Variants in COBL observed in about 807,000 individuals in gnomAD.
COBL encodes the protein cordon-bleu WH2 repeat protein, also known as protein cordon-bleu.
A neutral mutation model predicts 98.8 loss-of-function variants in COBL; 51 were observed. That is an observed-to-expected ratio of 0.52 (90% CI 0.41 to 0.65). The LOEUF (loss-of-function observed/expected upper bound fraction) is 0.65. Ranked by LOEUF, COBL falls within the 30% of genes least tolerant of loss-of-function variation. The probability of loss-of-function intolerance (pLI) is 0.00; values close to 1 mark genes in which losing one functional copy is unlikely to be tolerated. For synonymous variants in COBL, 634 were observed against 651.7 expected, an observed-to-expected ratio of 0.97 and a Z score of 0.41; for missense variants, 1,617 against 1,617.5, an observed-to-expected ratio of 1.00 and a Z score of 0.01.
At chr7:51,080,783 CA>C (rs1286352570) in intron 7 of COBL, among the ~76,000 whole-genome samples, 1 of 152,166 alleles carries the variant, frequency 6.6e-6, no homozygotes, top group Non-Finnish European at 1.5e-5. Context: ...CTCAGGAGCC[CA>C]GGGGTGAACA....
At chr7:51,122,994 A>AG (rs1170565277) in intron 6 of COBL, among the ~76,000 whole-genome samples, 1 of 152,186 alleles carries the variant, frequency 6.6e-6, no homozygotes, top group South Asian at 2.1e-4. Flanking sequence ...AAAAAAAAAA[A>AG]AAAATTGAAT....
At chr7:51,178,476 T>G (rs1563001182) in intron 5 of COBL, among the ~76,000 whole-genome samples, 1 of 152,216 alleles carries the variant, frequency 6.6e-6, no homozygotes. Context: ...AGGCAAAACT[T>G]GTTTTTCTCT....
At chr7:51,315,769 C>T (rs1292686675) in intron 1 of COBL, among the ~76,000 whole-genome samples, 1 of 151,938 alleles carries the variant, frequency 6.6e-6, no homozygotes, top group Non-Finnish European at 1.5e-5. Flanking sequence ...GGCTGCTCGT[C>T]CTGTTTGAGG....
intron 6 of COBL, among the ~76,000 whole-genome samples, chr7:51,112,658 C>T (rs1220151101): frequency 6.6e-6 from 1 of 152,114 alleles, no homozygotes; most frequent in Non-Finnish European, 1.5e-5. Flanking sequence ...TCCTTTGCAC[C>T]TTTGGGTCTC....
intron 5 of COBL, among the ~76,000 whole-genome samples, chr7:51,168,398 T>C (rs1562988828): frequency 2.7e-5 from 4 of 150,592 alleles, no homozygotes; most frequent in African/African-American, 9.8e-5. Flanking sequence ...ATCGCACCAC[T>C]GCACTCCAGC....
At chr7:51,041,113 A>G (rs1789142347) in intron 8 of COBL, among the ~76,000 whole-genome samples, 1 of 152,228 alleles carries the variant, frequency 6.6e-6, no homozygotes, top group African/African-American at 2.4e-5. Context: ...TGTAAACAAC[A>G]CAGGCCAACC....
chr7:51,182,014 C>T (rs916894468), intron 5 of COBL, among the ~76,000 whole-genome samples: 29 of 152,154 alleles, frequency 1.9e-4, no homozygotes, highest in Admixed American at 1.4e-3. Context: ...TTGCTAAAAA[C>T]GAAAGTCTTT....
chr7:51,314,467 A>G (rs913093626), intron 1 of COBL, among the ~76,000 whole-genome samples: 1 of 152,250 alleles, frequency 6.6e-6, no homozygotes, highest in Non-Finnish European at 1.5e-5. Flanking sequence ...ATAATGTACT[A>G]AAGCCACAAA....
At position 51,025,248 on chromosome 7, in the gene COBL, G is replaced by T. The variant is rs200941312; in HGVS notation, c.3629C>A (p.Pro1210His). 5.6e-6 allele frequency: 9 copies of T among 1,608,804 alleles called. No homozygotes were observed. The highest frequency in any genetic ancestry group is 7.6e-6 in the Non-Finnish European group (9 of 1,178,508). The change falls in exon 12 of 13, where the codon CCC (proline) becomes CAC (histidine). Residue 1210 changes from proline (P) to histidine (H), a missense_variant. Coordinates refer to ENST00000265136, the MANE Select transcript of COBL (RefSeq NM_015198.5). ...LLSPPAIPPPPPPPSQALSAP... is the reference protein window; with the variant it reads ...LLSPPAIPPPHPPPSQALSAP... The stretch of plus-strand genomic sequence containing the variant: ...AGAGAGAGCCTGGGAGGGTGGAGGG[G>T]GTGGTGGGGGAATGGCTGGTGGGGA...
At chr7:51,183,963 T>C in intron 5 of COBL, 139 bp downstream of exon 5, 2 of 471,356 alleles carry the variant, frequency 4.2e-6, no homozygotes, top group Non-Finnish European at 7.6e-6. Flanking sequence ...TGCATACTAA[T>C]AAGCTCTCTT....
At chr7:51,247,764 A>C (rs1796380021) in intron 1 of COBL, among the ~76,000 whole-genome samples, 1 of 152,202 alleles carries the variant, frequency 6.6e-6, no homozygotes, top group Admixed American at 6.5e-5. Context: ...AAGGCAGACC[A>C]ATCAGCTGAG....
chr7:51,316,555 G>T, intron 1 of COBL, 38 bp downstream of exon 1: 1 of 1,210,544 alleles, frequency 8.3e-7, no homozygotes, highest in Non-Finnish European at 1.0e-6. Flanking sequence ...GCCCAGGGAA[G>T]CCCCCTCTCC....
intron 2 of COBL, among the ~76,000 whole-genome samples, chr7:51,206,806 G>A (rs112614661): frequency 5.3e-5 from 8 of 152,284 alleles, no homozygotes; most frequent in African/African-American, 1.7e-4. Context: ...ACTTATATGT[G>A]GAATCTAAAA....
At chr7:51,192,133 G>C (rs915161940) in intron 3 of COBL, among the ~76,000 whole-genome samples, 4 of 152,156 alleles carry the variant, frequency 2.6e-5, no homozygotes, top group African/African-American at 7.2e-5. Context: ...GAAATCTCTG[G>C]TCAGAGTGTT....
intron 7 of COBL, among the ~76,000 whole-genome samples, chr7:51,057,020 C>T (rs1240771936): frequency 6.6e-6 from 1 of 152,310 alleles, no homozygotes; most frequent in East Asian, 1.9e-4. Flanking sequence ...CCTGTCCTGT[C>T]CCACCATGAA....
Position 51,292,739 on chromosome 7 carries a change from A to G in COBL, c.41+23854T>C, listed in dbSNP as rs141548004. On this transcript the variant is annotated intron_variant, in intron 1 of 12. Coordinates refer to ENST00000265136, the MANE Select transcript of COBL (RefSeq NM_015198.5). ...CCTCCCTCCACACTCCAGAGCCTAG[A>G]AAGCAAAGCTCCTTCCAAGGCCCGT... 3.0e-3 allele frequency among the ~76,000 whole-genome samples: 455 copies of G among 152,326 alleles called. 5 individuals carry two copies. Among genetic ancestry groups the G allele is most frequent in the Admixed American group, 0.027 (418 of 15,310 alleles).
intron 6 of COBL, among the ~76,000 whole-genome samples, chr7:51,116,670 T>C (rs1261669404): frequency 6.6e-6 from 1 of 152,150 alleles, no homozygotes; most frequent in Non-Finnish European, 1.5e-5. Context: ...TCTTTATGTC[T>C]TTCTAAGAGT....
intron 9 of COBL, among the ~76,000 whole-genome samples, chr7:51,029,921 T>C (rs1467596810): frequency 1.3e-5 from 2 of 152,226 alleles, no homozygotes; most frequent in African/African-American, 4.8e-5. Flanking sequence ...AAATGAGTTT[T>C]GGGTTTTGAC....
At position 51,028,402 on chromosome 7, in the gene COBL, G is replaced by T; in HGVS notation, c.2694C>A (p.Gly898=). 1 of 1,614,264 alleles carries T rather than the reference G, an allele frequency of 6.2e-7. No homozygotes were observed. The highest frequency in any genetic ancestry group is 1.1e-5 in the South Asian group (1 of 91,086). The change falls in exon 10 of 13, where the codon GGC becomes GGA. Residue 898 remains glycine (G), a synonymous_variant. Coordinates refer to ENST00000265136, the MANE Select transcript of COBL (RefSeq NM_015198.5). ...GTGGTGCAGCCAGCACTGGCGCCTT[G>T]CCTGCATAACCCTTCTCGGCATAAC... The part of the protein sequence containing the change: ...PHGYAEKGYA[G]KAPVLAAPPV...
Sources: gnomAD v4.1 joint callset for allele counts (sites outside exome capture counted in the v4.1 genomes callset) on GRCh38, gnomAD v4.1.1 for gene constraint, MANE v1.5 for transcripts, NCBI Gene and HGNC (gene_info 2026-07-23, HGNC 2026-07-21) for gene names.